The following TBC1D1 variants were observed in gnomAD, a reference collection of about 807,000 sequenced individuals.
TBC1D1 encodes the protein TBC1 domain family member 1, also known as TBC1 (tre-2/USP6, BUB2, cdc16) domain family, member 1.
In TBC1D1, 89 loss-of-function variants were observed where a neutral mutation model predicts 125.6. The ratio of observed to expected loss-of-function variants is 0.71; its 90% confidence interval spans 0.60 to 0.85. The LOEUF is 0.85. Ranked by LOEUF, TBC1D1 falls within the 40% of genes least tolerant of loss-of-function variation. The pLI, the probability that TBC1D1 is intolerant of heterozygous loss-of-function variation, is 0.00. For synonymous variants in TBC1D1, 565 were observed against 564.1 expected, an observed-to-expected ratio of 1.00 and a Z score of -0.02; for missense variants, 1,377 against 1,469.2, an observed-to-expected ratio of 0.94 and a Z score of 1.03.
At chr4:37,970,347 C>T (rs1489465691) in intron 2 of TBC1D1, among the ~76,000 whole-genome samples, 1 of 152,210 alleles carries the variant, frequency 6.6e-6, no homozygotes, top group Non-Finnish European at 1.5e-5. Flanking sequence ...GAGATGATTG[C>T]ATATCATCAA....
chr4:38,003,425 A>G (rs1019909680), intron 2 of TBC1D1, among the ~76,000 whole-genome samples: 9 of 152,204 alleles, frequency 5.9e-5, no homozygotes, highest in African/African-American at 2.2e-4. Flanking sequence ...TTTGTTGCCT[A>G]CAGGGTGTTT....
chr4:38,053,025 CTTTT>C (rs1180043234), intron 11 of TBC1D1, 77 bp from the exon 13 acceptor site: 4 of 1,065,100 alleles, frequency 3.8e-6, no homozygotes, highest in Non-Finnish European at 4.9e-6. Flanking sequence ...AAAAATGTTT[CTTTT>C]ATTTTGAAGC....
At chr4:38,022,038 C>T (rs1744150338) in intron 6 of TBC1D1, among the ~76,000 whole-genome samples, 1 of 152,196 alleles carries the variant, frequency 6.6e-6, no homozygotes, top group African/African-American at 2.4e-5. Context: ...AGTGGTCAGT[C>T]ATACTGGGCA....
At chr4:38,125,999 G>A (rs929422953) in intron 18 of TBC1D1, among the ~76,000 whole-genome samples, 1 of 152,190 alleles carries the variant, frequency 6.6e-6, no homozygotes, top group Non-Finnish European at 1.5e-5. Context: ...CTTAATAATA[G>A]CAATACGTTT....
intron 12 of TBC1D1, among the ~76,000 whole-genome samples, chr4:38,085,359 A>T (rs189370629): frequency 1.3e-5 from 2 of 152,194 alleles, no homozygotes; most frequent in East Asian, 1.9e-4. Flanking sequence ...ATTATAGGAG[A>T]TGTCAGAATA....
At chr4:37,987,123 C>G (rs1735634193) in intron 2 of TBC1D1, among the ~76,000 whole-genome samples, 1 of 152,172 alleles carries the variant, frequency 6.6e-6, no homozygotes, top group Admixed American at 6.5e-5. Context: ...AAAACATCGA[C>G]TGCAAATGGC....
chr4:38,084,435 G>A (rs936855288), intron 12 of TBC1D1, among the ~76,000 whole-genome samples: 1 of 152,248 alleles, frequency 6.6e-6, no homozygotes, highest in Non-Finnish European at 1.5e-5. Flanking sequence ...CCAGGCATGG[G>A]ATATGGCAGG....
chr4:38,052,710 ACACG>A lies in TBC1D1; in HGVS notation c.1911-1487_1911-1484del, dbSNP rs1181850130. 1.0e-3 allele frequency among the ~76,000 whole-genome samples: 88 copies of A among 86,520 alleles called. 1 individual carries two copies. Among genetic ancestry groups the A allele is most frequent in the East Asian group, 2.9e-3 (10 of 3,428 alleles). The allele number at this position is 86,520 out of a possible 152,430, so 56.8% of individuals were successfully genotyped here. A position where few individuals can be genotyped will look rare whatever the true frequency, so the allele number is the denominator to read the frequency against. ...CTTACATGCATGCGTATATACACAC[ACACG>A]CGCGCGCGCGCGCGCACACACACAC... On this transcript the variant is annotated intron_variant, in intron 11 of 19. Coordinates refer to ENST00000261439, the MANE Select transcript of TBC1D1 (RefSeq NM_015173.4).
chr4:37,983,039 G>A (rs1317345732), intron 2 of TBC1D1, among the ~76,000 whole-genome samples: 1 of 152,028 alleles, frequency 6.6e-6, no homozygotes, highest in Admixed American at 6.6e-5. Context: ...ACCAGGATGA[G>A]CATGGCATAC....
intron 2 of TBC1D1, among the ~76,000 whole-genome samples, chr4:37,978,700 C>A (rs910662201): frequency 1.6e-5 from 2 of 124,304 alleles, no homozygotes; most frequent in African/African-American, 3.0e-5. Context: ...TGAAACATAG[C>A]TGGTGGTAAA....
At chr4:38,099,362 C>G in intron 14 of TBC1D1, among the ~76,000 whole-genome samples, 1 of 152,136 alleles carries the variant, frequency 6.6e-6, no homozygotes, top group South Asian at 2.1e-4. Context: ...GTTGATATTT[C>G]CATGTGCGTA....
intron 2 of TBC1D1, among the ~76,000 whole-genome samples, chr4:37,967,268 G>A (rs148460753): frequency 3.3e-5 from 5 of 152,298 alleles, no homozygotes; most frequent in African/African-American, 1.2e-4. Flanking sequence ...GGCGAGGCGG[G>A]TGGATCACCT....
At chr4:37,925,488 T>C (rs11947778) in intron 2 of TBC1D1, among the ~76,000 whole-genome samples, 76,947 of 151,710 alleles carry the variant, frequency 0.51, 20,182 homozygotes, top group East Asian at 0.82. Context: ...GAGGTCGAGG[T>C]GGGGGGATCA....
intron 18 of TBC1D1, among the ~76,000 whole-genome samples, chr4:38,129,238 G>A (rs1484519297): frequency 2.0e-5 from 3 of 152,158 alleles, no homozygotes; most frequent in African/African-American, 4.8e-5. Flanking sequence ...TAGAAACCAG[G>A]GTTCCTGTAT....
At chr4:37,926,702 C>T (rs946340561) in intron 2 of TBC1D1, among the ~76,000 whole-genome samples, 1 of 152,232 alleles carries the variant, frequency 6.6e-6, no homozygotes, top group African/African-American at 2.4e-5. Flanking sequence ...ACGTGGACAT[C>T]GGTCCTGCCT....
In TBC1D1 at chr4:38,021,662, A is replaced by C. The variant is rs1744062885; in HGVS notation, c.1154A>C (p.Gln385Pro). The C allele has an allele frequency of 1.3e-6, 2 of 1,598,842 alleles. No homozygotes were observed. Among genetic ancestry groups the C allele is most frequent in the South Asian group, 2.3e-5 (2 of 88,520 alleles). The change falls in exon 6 of 20, where the codon CAG becomes CCG. Residue 385 changes from glutamine (Q) to proline (P), a missense_variant. By Grantham distance (76) the Gln-to-Pro change is moderately conservative. Transcript: ENST00000261439. The stretch of plus-strand genomic sequence containing the variant: ...CAGCAGACAGCTAAGGCGCCAGCCC[A>C]GCTGTGTGAGGGCTGCCCCCTGCAA...
rs1419329911 is a variant in TBC1D1 at position 38,115,713 on chromosome 4, G to A, written c.2561G>A (p.Arg854Gln). The change falls in exon 16 of 20, where the codon CGA becomes CAA. Residue 854 changes from arginine to glutamine, a missense_variant. Around this residue, in one of 3 missense-constraint regions of TBC1D1, gnomAD observed 543 missense variants for 613.5 expected, o/e 0.89. Coordinates refer to ENST00000261439, the MANE Select transcript of TBC1D1 (RefSeq NM_015173.4). ...CTAATATGTATTCTTTTCACAGGGCGAACCTTTCCTACACACCCATACTTC... is the reference window on the plus strand; with the variant it reads ...CTAATATGTATTCTTTTCACAGGGCAAACCTTTCCTACACACCCATACTTC... 6 of 1,612,894 alleles carry A rather than the reference G, an allele frequency of 3.7e-6. No individual in the cohort carries two copies. The highest frequency in any genetic ancestry group is 2.2e-5 in the East Asian group (1 of 44,864).
intron 2 of TBC1D1, among the ~76,000 whole-genome samples, chr4:37,985,756 C>G (rs1241366486): frequency 1.3e-5 from 2 of 152,094 alleles, no homozygotes; most frequent in African/African-American, 4.8e-5. Flanking sequence ...AGGACATGGG[C>G]CCAGCCCTTG....
chr4:37,958,154 A>T (rs750849690), intron 2 of TBC1D1, among the ~76,000 whole-genome samples: 8 of 152,246 alleles, frequency 5.3e-5, no homozygotes, highest in Non-Finnish European at 1.2e-4. Context: ...ATATGCTAAG[A>T]ATAGTAACAC....
Sources: allele counts gnomAD v4.1 joint callset (sites outside exome capture counted in the v4.1 genomes callset), GRCh38; gene constraint gnomAD v4.1.1; regional missense constraint gnomAD v4.1.1; transcripts MANE v1.5; gene names NCBI Gene and HGNC (gene_info 2026-07-23, HGNC 2026-07-21).